The following AGBL4 variants were observed in gnomAD, a reference collection of about 807,000 sequenced individuals.
AGBL4 encodes the protein AGBL carboxypeptidase 4, also known as cytosolic carboxypeptidase 6.
In AGBL4, 58 loss-of-function variants were observed where a neutral mutation model predicts 66.4. The ratio of observed to expected loss-of-function variants is 0.87; its 90% CI spans 0.71 to 1.09. The LOEUF (loss-of-function observed/expected upper bound fraction) is 1.09. Ranked by LOEUF, AGBL4 falls within the 50% of genes least tolerant of loss-of-function variation. The pLI, the probability that AGBL4 is intolerant of heterozygous loss-of-function variation, is 0.00. For missense variants in AGBL4, 579 were observed against 631.0 expected (o/e 0.92, Z 0.88); for synonymous variants, 234 against 222.9 (o/e 1.05, Z -0.44).
At chr1:49,537,794 G>T (rs1409088129) in intron 3 of AGBL4, among the ~76,000 whole-genome samples, 1 of 152,180 alleles carries the variant, frequency 6.6e-6, no homozygotes, top group Non-Finnish European at 1.5e-5. Flanking sequence ...AGGCATGGTG[G>T]TGGGTGCCTG....
chr1:49,340,168 G>A (rs923105724), intron 3 of AGBL4, among the ~76,000 whole-genome samples: 1 of 146,822 alleles, frequency 6.8e-6, no homozygotes, highest in African/African-American at 2.5e-5. Context: ...TTTATTTTGT[G>A]ACCATTCTAA....
chr1:49,938,115 G>A (rs1450762911), intron 1 of AGBL4, among the ~76,000 whole-genome samples: 2 of 149,816 alleles, frequency 1.3e-5, no homozygotes, highest in Non-Finnish European at 3.0e-5. Flanking sequence ...TAATAAAGAA[G>A]AAAAGAGAGA....
intron 6 of AGBL4, among the ~76,000 whole-genome samples, chr1:48,706,438 G>A (rs1465094524): frequency 6.6e-6 from 1 of 151,940 alleles, no homozygotes; most frequent in Admixed American, 6.5e-5. Flanking sequence ...TTCAACAACA[G>A]GAATAGCTGC....
At position 49,097,381 on chromosome 1, in the gene AGBL4, G is replaced by A. The variant is rs1645124938; in HGVS notation, c.378-51581C>T. On this transcript the variant is annotated intron_variant, in intron 4 of 13. Transcript: ENST00000371839. ...ATGGTGACATTGTTTCTCAATCTGG[G>A]TGCTGGTTACACTGATGTGTTCAGA... 2.0e-5 allele frequency among the ~76,000 whole-genome samples: 3 copies of A among 152,130 alleles called. No individual in the cohort carries two copies. In the South Asian group the frequency reaches 6.2e-4, roughly 32 times the overall value.
intron 5 of AGBL4, among the ~76,000 whole-genome samples, chr1:48,934,030 G>A (rs184058803): frequency 3.3e-5 from 5 of 152,248 alleles, no homozygotes; most frequent in Non-Finnish European, 7.3e-5. Context: ...CTGTTTTGAC[G>A]AGGTAGCCTA....
At chr1:49,085,157 G>A (rs1433211593) in intron 4 of AGBL4, among the ~76,000 whole-genome samples, 2 of 152,078 alleles carry the variant, frequency 1.3e-5, no homozygotes, top group Non-Finnish European at 2.9e-5. Context: ...AAACAAAAAA[G>A]CAGGAGAGCA....
At chr1:49,042,058 A>G (rs1230870936) in intron 5 of AGBL4, among the ~76,000 whole-genome samples, 1 of 152,040 alleles carries the variant, frequency 6.6e-6, no homozygotes, top group Non-Finnish European at 1.5e-5. Flanking sequence ...TTAATTATAT[A>G]TGTTTTAAAG....
At chr1:49,654,345 T>C (rs1167482368) in intron 3 of AGBL4, among the ~76,000 whole-genome samples, 1 of 152,194 alleles carries the variant, frequency 6.6e-6, no homozygotes, top group Non-Finnish European at 1.5e-5. Flanking sequence ...TATTTACAAC[T>C]ATGTGGTCAA....
At chr1:48,661,175 G>A (rs1454189099) in intron 7 of AGBL4, among the ~76,000 whole-genome samples, 4 of 152,322 alleles carry the variant, frequency 2.6e-5, no homozygotes, top group East Asian at 1.9e-4. Context: ...AGAGATGACC[G>A]TTATCAATAA....
intron 4 of AGBL4, among the ~76,000 whole-genome samples, chr1:49,126,416 G>A (rs987757099): frequency 6.6e-6 from 1 of 152,050 alleles, no homozygotes. Flanking sequence ...AACAGACCTA[G>A]GAGATTATTG....
intron 1 of AGBL4, among the ~76,000 whole-genome samples, chr1:49,886,675 C>T (rs1228365554): frequency 6.6e-6 from 1 of 152,052 alleles, no homozygotes; most frequent in Non-Finnish European, 1.5e-5. Context: ...GGATGGTTCA[C>T]CCTGTCATGC....
At chr1:49,303,112 A>G (rs1644785348) in intron 3 of AGBL4, among the ~76,000 whole-genome samples, 1 of 152,168 alleles carries the variant, frequency 6.6e-6, no homozygotes, top group South Asian at 2.1e-4. Context: ...TGGTACTGCA[A>G]TGAACACACT....
intron 8 of AGBL4, among the ~76,000 whole-genome samples, chr1:48,650,444 A>ACCTTCCTT (rs57012926): frequency 0.016 from 2,347 of 147,114 alleles, 52 homozygotes; most frequent in African/African-American, 0.042. Flanking sequence ...CTGAGAACCA[A>ACCTTCCTT]CCTTCCTTCC....
chr1:49,680,237 G>T (rs1646664963), intron 3 of AGBL4, among the ~76,000 whole-genome samples: 1 of 151,646 alleles, frequency 6.6e-6, no homozygotes, highest in African/African-American at 2.4e-5. Flanking sequence ...TATTAGTAGA[G>T]ATGGGGTTTC....
At chr1:49,167,463 A>G (rs1380020971) in intron 4 of AGBL4, among the ~76,000 whole-genome samples, 2 of 152,190 alleles carry the variant, frequency 1.3e-5, no homozygotes, top group Admixed American at 1.3e-4. Context: ...TCACCATATC[A>G]TTCATTACTC....
At position 49,932,598 on chromosome 1, in the gene AGBL4, C is replaced by T. The variant is rs965848376; in HGVS notation, c.35-81080G>A. Among the ~76,000 whole-genome samples, 9 of 152,006 alleles carry T rather than the reference C, an allele frequency of 5.9e-5. No homozygotes were observed. The East Asian group carries it at 1.7e-3, about 29-fold the overall frequency. On this transcript the variant is annotated intron_variant, in intron 1 of 13. Transcript: ENST00000371839. ...CGGATGAAAAGTGTAAATCAGGTAT[C>T]TGATAAAACACATATCAAGAATATA...
intron 5 of AGBL4, among the ~76,000 whole-genome samples, chr1:48,895,961 G>T (rs557228928): frequency 1.1e-3 from 174 of 152,280 alleles, no homozygotes; most frequent in African/African-American, 3.8e-3. Flanking sequence ...ATGTGATATT[G>T]GAACAAAGCT....
Position 49,308,916 on chromosome 1 carries a change from G to GA in AGBL4, c.283-63053dup, listed in dbSNP as rs1644896966. ...ACAATTAATCTCACTGAATCAGACAGATTGCATCCAGGTTATACCTCTCAG... is the reference window on the plus strand; with the variant it reads ...ACAATTAATCTCACTGAATCAGACAGAATTGCATCCAGGTTATACCTCTCAG... On this transcript the variant is annotated intron_variant, in intron 3 of 13. Transcript: ENST00000371839. Among the ~76,000 whole-genome samples, 10 of 152,276 alleles carry GA rather than the reference G, an allele frequency of 6.6e-5. No individual in the cohort carries two copies. In the South Asian group the frequency reaches 2.1e-3, roughly 32 times the overall value.
At chr1:49,744,304 C>T (rs1159315083) in intron 2 of AGBL4, among the ~76,000 whole-genome samples, 1 of 152,110 alleles carries the variant, frequency 6.6e-6, no homozygotes, top group Non-Finnish European at 1.5e-5. Flanking sequence ...CTCTCTCTCT[C>T]TCTCTTGCTC....
Sources: gnomAD v4.1 joint callset for allele counts (sites outside exome capture counted in the v4.1 genomes callset) on GRCh38, gnomAD v4.1.1 for gene constraint, MANE v1.5 for transcripts, NCBI Gene and HGNC (gene_info 2026-07-23, HGNC 2026-07-21) for gene names.